Variants in CTNNA3 observed in about 807,000 individuals in gnomAD.
CTNNA3 encodes the protein catenin alpha-3.
Under a neutral mutation model 95.7 loss-of-function variants are expected in CTNNA3, and 76 were observed. That is an observed-to-expected ratio of 0.79 (90% CI 0.66 to 0.96). The LOEUF (loss-of-function observed/expected upper bound fraction) is 0.96, where lower values mean the gene tolerates loss of function less well. Among genes scored for constraint, CTNNA3 ranks in the 40% least tolerant of loss-of-function variants. The pLI, the probability that CTNNA3 is intolerant of heterozygous loss-of-function variation, is 0.00. For synonymous variants in CTNNA3, 431 were observed against 374.4 expected (o/e 1.15, Z -1.74); for missense variants, 1,191 against 1,089.8 (o/e 1.09, Z -1.31).
chr10:66,056,264 T>A (rs1252672761), intron 15 of CTNNA3, among the ~76,000 whole-genome samples: 4 of 152,178 alleles, frequency 2.6e-5, no homozygotes, highest in Non-Finnish European at 2.9e-5. Context: ...TTATCAGATT[T>A]TTTTTAAGAA....
intron 17 of CTNNA3, among the ~76,000 whole-genome samples, chr10:65,965,393 CTTTTTTTTT>C (rs561552884): frequency 1.4e-4 from 11 of 77,674 alleles, no homozygotes; most frequent in African/African-American, 4.7e-4. Context: ...CTCCCCTCTA[CTTTTTTTTT>C]TTTTTTTTTT....
chr10:66,660,094 T>A (rs1260200276), intron 9 of CTNNA3, among the ~76,000 whole-genome samples: 2 of 152,074 alleles, frequency 1.3e-5, no homozygotes, highest in African/African-American at 4.8e-5. Flanking sequence ...ATTGCCGGTA[T>A]TACAAGCATG....
At chr10:66,001,055 C>A (rs1425445616) in intron 15 of CTNNA3, among the ~76,000 whole-genome samples, 1 of 152,000 alleles carries the variant, frequency 6.6e-6, no homozygotes, top group Non-Finnish European at 1.5e-5. Context: ...AGTTGGGAGG[C>A]CCACCAACAG....
chr10:67,126,040 A>G (rs1486632147), intron 7 of CTNNA3, among the ~76,000 whole-genome samples: 2 of 152,172 alleles, frequency 1.3e-5, no homozygotes, highest in Non-Finnish European at 2.9e-5. Flanking sequence ...TGGATCAATC[A>G]TATCATGAAA....
intron 15 of CTNNA3, among the ~76,000 whole-genome samples, chr10:66,030,613 A>G (rs914061880): frequency 3.3e-5 from 5 of 152,188 alleles, no homozygotes; most frequent in African/African-American, 4.8e-5. Flanking sequence ...TCCTAGAAGA[A>G]ACCTAGGAAA....
chr10:67,421,417 C>A (rs1167899701), intron 5 of CTNNA3, among the ~76,000 whole-genome samples: 1 of 152,120 alleles, frequency 6.6e-6, no homozygotes, highest in Non-Finnish European at 1.5e-5. Flanking sequence ...GTTTTGTAGA[C>A]CAAACTGCAT....
intron 9 of CTNNA3, among the ~76,000 whole-genome samples, chr10:66,701,968 T>C (rs1014150862): frequency 6.6e-6 from 1 of 152,162 alleles, no homozygotes; most frequent in African/African-American, 2.4e-5. Flanking sequence ...TTTTAAATCA[T>C]CAGAAGGCAA....
intron 11 of CTNNA3, among the ~76,000 whole-genome samples, chr10:66,486,130 A>G (rs1383980935): frequency 6.6e-6 from 1 of 152,214 alleles, no homozygotes; most frequent in East Asian, 1.9e-4. Context: ...AGAAAGCTCT[A>G]TGGTGTTAGC....
At chr10:66,886,755 C>A (rs1406198146) in intron 7 of CTNNA3, among the ~76,000 whole-genome samples, 2 of 152,120 alleles carry the variant, frequency 1.3e-5, no homozygotes, top group African/African-American at 4.8e-5. Context: ...CAGTTCTTAC[C>A]CCATTTCAGA....
chr10:66,694,903 A>G (rs1252379142), intron 9 of CTNNA3, among the ~76,000 whole-genome samples: 2 of 152,310 alleles, frequency 1.3e-5, no homozygotes, highest in Admixed American at 1.3e-4. Context: ...CAGAAATTAT[A>G]CTAAATTTCT....
chr10:66,228,493 T>A (rs2089432143), intron 13 of CTNNA3, among the ~76,000 whole-genome samples: 1 of 152,122 alleles, frequency 6.6e-6, no homozygotes, highest in African/African-American at 2.4e-5. Flanking sequence ...TTGTTATTAA[T>A]TTCTATGTTT....
intron 3 of CTNNA3, among the ~76,000 whole-genome samples, chr10:67,568,153 G>A (rs1377657024): frequency 6.6e-6 from 1 of 151,168 alleles, no homozygotes; most frequent in Non-Finnish European, 1.5e-5. Context: ...ATGTACTTGT[G>A]TATTTTTTCT....
chr10:67,581,818 T>C (rs1265956069), intron 3 of CTNNA3, among the ~76,000 whole-genome samples: 3 of 152,354 alleles, frequency 2.0e-5, no homozygotes, highest in Non-Finnish European at 4.4e-5. Context: ...ATTTATCCAT[T>C]TCTTTGAGAT....
chr10:66,544,179 A>G (rs905529100), intron 10 of CTNNA3, among the ~76,000 whole-genome samples: 1 of 151,916 alleles, frequency 6.6e-6, no homozygotes, highest in Non-Finnish European at 1.5e-5. Flanking sequence ...TCTGCTAACT[A>G]TGACAGATAC....
At chr10:67,146,650 T>C (rs1242198729) in intron 7 of CTNNA3, among the ~76,000 whole-genome samples, 1 of 152,216 alleles carries the variant, frequency 6.6e-6, no homozygotes, top group Non-Finnish European at 1.5e-5. Context: ...TTAAGAGAGA[T>C]GCTTGCATAG....
intron 13 of CTNNA3, among the ~76,000 whole-genome samples, chr10:66,176,607 A>G (rs551824623): frequency 6.6e-6 from 1 of 152,196 alleles, no homozygotes; most frequent in Admixed American, 6.6e-5. Flanking sequence ...AGATGACAGT[A>G]TTAGAAGTTG....
At chr10:66,813,811 A>G (rs1174903958) in intron 7 of CTNNA3, among the ~76,000 whole-genome samples, 2 of 150,586 alleles carry the variant, frequency 1.3e-5, no homozygotes, top group East Asian at 4.0e-4. Context: ...GCCTTAGAGA[A>G]AGACTATTTG....
intron 13 of CTNNA3, among the ~76,000 whole-genome samples, chr10:66,261,948 G>A (rs2091015422): frequency 6.6e-6 from 1 of 151,928 alleles, no homozygotes. Flanking sequence ...ACTACCTGGG[G>A]AGATGGATTT....
intron 7 of CTNNA3, among the ~76,000 whole-genome samples, chr10:67,132,917 G>A (rs1278950830): frequency 3.3e-5 from 5 of 151,996 alleles, no homozygotes; most frequent in African/African-American, 9.7e-5. Flanking sequence ...ACTGGGACGG[G>A]TGAGTGGGGG....
Sources: gnomAD v4.1 joint callset for allele counts (sites outside exome capture counted in the v4.1 genomes callset) on GRCh38, gnomAD v4.1.1 for gene constraint, MANE v1.5 for transcripts, NCBI Gene and HGNC (gene_info 2026-07-23, HGNC 2026-07-21) for gene names.